Variants in KLHL1 observed in about 807,000 individuals in gnomAD.
The protein encoded by KLHL1 is kelch-like protein 1.
KLHL1 carries 47 observed loss-of-function variants against 77.7 expected under a neutral mutation model. The observed-to-expected ratio is 0.60, with a 90% CI of 0.48 to 0.77. KLHL1 has a LOEUF of 0.77. KLHL1 is among the 30% of genes least tolerant of loss of function. KLHL1 has a pLI of 0.00. For synonymous variants in KLHL1, 360 were observed against 325.2 expected (o/e 1.11, Z -1.15); for missense variants, 925 against 910.8 (o/e 1.02, Z -0.20).
intron 4 of KLHL1, among the ~76,000 whole-genome samples, chr13:69,915,579 T>C (rs1417332462): frequency 1.3e-5 from 2 of 152,136 alleles, no homozygotes; most frequent in Non-Finnish European, 2.9e-5. Flanking sequence ...TTACACCTTA[T>C]ACAAAAATTA....
chr13:69,907,300 A>G (rs1351594431), intron 4 of KLHL1, among the ~76,000 whole-genome samples: 1 of 152,012 alleles, frequency 6.6e-6, no homozygotes, highest in African/African-American at 2.4e-5. Context: ...TAGATTGACA[A>G]CTCAAATACC....
At chr13:69,822,176 T>G in intron 6 of KLHL1, among the ~76,000 whole-genome samples, 1 of 133,452 alleles carries the variant, frequency 7.5e-6, no homozygotes, top group Non-Finnish European at 1.6e-5. Context: ...CCAGCCTGGG[T>G]GACAGAGGGA....
intron 1 of KLHL1, among the ~76,000 whole-genome samples, chr13:69,982,556 C>G (rs77797862): frequency 6.7e-6 from 1 of 150,142 alleles, no homozygotes; most frequent in Non-Finnish European, 1.5e-5. Flanking sequence ...AAAGAGAGAA[C>G]GAAAGTAAGA....
rs75442762 is a variant in KLHL1, at chr13:70,045,673, T to G, written c.497+61530A>C. On this transcript the variant is annotated intron_variant, in intron 1 of 10. Transcript: ENST00000377844. Reference sequence around the variant, plus strand: ...TCTGAAAGCTTGCTGGCTTTATTCTTATAAACACATATGGAGTTTTAAAGA... The same window carrying G: ...TCTGAAAGCTTGCTGGCTTTATTCTGATAAACACATATGGAGTTTTAAAGA... Among the ~76,000 whole-genome samples the G allele has an allele frequency of 3.2e-3, 494 of 152,298 alleles. 1 individual carries two copies. Among genetic ancestry groups the G allele is most frequent in the African/African-American group, 0.011 (467 of 41,566 alleles).
intron 1 of KLHL1, among the ~76,000 whole-genome samples, chr13:70,058,761 T>A (rs1446873300): frequency 6.6e-6 from 1 of 152,172 alleles, no homozygotes; most frequent in Non-Finnish European, 1.5e-5. Context: ...AAAGTCATCC[T>A]AGGCAAAAAG....
intron 4 of KLHL1, among the ~76,000 whole-genome samples, chr13:69,887,367 T>G (rs112583185): frequency 7.2e-5 from 11 of 152,204 alleles, no homozygotes; most frequent in African/African-American, 2.7e-4. Context: ...CCTTGACCAC[T>G]GCTTTGGTGT....
intron 1 of KLHL1, among the ~76,000 whole-genome samples, chr13:69,981,787 C>CA (rs200366470): frequency 1.5e-4 from 22 of 146,364 alleles, no homozygotes; most frequent in African/African-American, 4.2e-4. Flanking sequence ...AAAAAGTGCC[C>CA]AAAATAAAAA....
chr13:69,801,541 AATAAT>A (rs1877381770), intron 6 of KLHL1, among the ~76,000 whole-genome samples: 1 of 151,356 alleles, frequency 6.6e-6, no homozygotes, highest in Non-Finnish European at 1.5e-5. Flanking sequence ...TTTGTACAGT[AATAAT>A]ATTATTTTAT....
At chr13:69,763,828 A>G (rs553466542) in intron 7 of KLHL1, among the ~76,000 whole-genome samples, 47 of 152,364 alleles carry the variant, frequency 3.1e-4, no homozygotes, top group African/African-American at 1.0e-3. Context: ...TAGATCCCAA[A>G]ACAGAGCAGT....
At chr13:69,721,349 G>A (rs769568613) in intron 8 of KLHL1, among the ~76,000 whole-genome samples, 4 of 150,844 alleles carry the variant, frequency 2.7e-5, no homozygotes, top group Non-Finnish European at 5.9e-5. Flanking sequence ...TCCCTAAAAT[G>A]TATAAAATCA....
intron 1 of KLHL1, among the ~76,000 whole-genome samples, chr13:70,013,039 T>C (rs545166711): frequency 3.9e-5 from 6 of 152,250 alleles, no homozygotes; most frequent in Admixed American, 6.5e-5. Flanking sequence ...ATTTACACAA[T>C]AGTTTATCTT....
At chr13:69,722,156 T>A (rs1873094845) in intron 8 of KLHL1, among the ~76,000 whole-genome samples, 1 of 152,066 alleles carries the variant, frequency 6.6e-6, no homozygotes. Context: ...TATGAACTTC[T>A]TATTCTCTAT....
chr13:69,931,090 T>C lies in KLHL1; in HGVS notation c.1014+8950A>G, dbSNP rs1354168577. 4.6e-5 allele frequency among the ~76,000 whole-genome samples: 7 copies of C among 151,752 alleles called. No homozygotes were observed. In the East Asian group the frequency reaches 1.2e-3, roughly 25 times the overall value. ...AAATTAGAAACACTACTTTATAAAATGATAATTCACTTACTCTCTTTTCAA... is the reference window on the plus strand; with the variant it reads ...AAATTAGAAACACTACTTTATAAAACGATAATTCACTTACTCTCTTTTCAA... On this transcript the variant is annotated intron_variant, in intron 4 of 10. Coordinates refer to ENST00000377844, the MANE Select transcript of KLHL1 (RefSeq NM_020866.3).
chr13:69,977,520 T>C (rs1364513318), intron 1 of KLHL1, among the ~76,000 whole-genome samples: 1 of 152,142 alleles, frequency 6.6e-6, no homozygotes, highest in Non-Finnish European at 1.5e-5. Context: ...AATATTCATG[T>C]AATTACTATA....
At chr13:69,734,891 T>C (rs1024958318) in intron 8 of KLHL1, among the ~76,000 whole-genome samples, 12 of 152,134 alleles carry the variant, frequency 7.9e-5, no homozygotes, top group Admixed American at 7.2e-4. Context: ...TAAAGTCAAT[T>C]ATAGCAGATA....
At chr13:69,927,984 A>G (rs1882873087) in intron 4 of KLHL1, among the ~76,000 whole-genome samples, 2 of 152,228 alleles carry the variant, frequency 1.3e-5, no homozygotes, top group African/African-American at 4.8e-5. Flanking sequence ...AGAATGCTGG[A>G]CAGAAATATA....
At chr13:70,001,425 C>T (rs1885284111) in intron 1 of KLHL1, among the ~76,000 whole-genome samples, 1 of 150,928 alleles carries the variant, frequency 6.6e-6, no homozygotes, top group Non-Finnish European at 1.5e-5. Flanking sequence ...ATTTCAACAA[C>T]AAAAGACAAA....
chr13:69,940,266 T>A (rs1370960451), intron 3 of KLHL1, 30 bp from the exon 4 acceptor site: 1 of 1,530,972 alleles, frequency 6.5e-7, no homozygotes, highest in Admixed American at 2.0e-5. Context: ...ATTATGAAAC[T>A]CTTTTAAAAA....
intron 7 of KLHL1, among the ~76,000 whole-genome samples, chr13:69,779,919 T>C (rs1876047724): frequency 6.6e-6 from 1 of 152,152 alleles, no homozygotes; most frequent in South Asian, 2.1e-4. Context: ...CAAGTGATTC[T>C]CCGGCCACAG....
Sources: allele counts gnomAD v4.1 joint callset (sites outside exome capture counted in the v4.1 genomes callset), GRCh38; gene constraint gnomAD v4.1.1; transcripts MANE v1.5; gene names NCBI Gene and HGNC (gene_info 2026-07-23, HGNC 2026-07-21).